DLGAP2: variants seen among roughly 807,000 people sequenced by gnomAD.
DLGAP2 encodes the protein DLG associated protein 2.
In DLGAP2, 26 loss-of-function variants were observed where a neutral mutation model predicts 100.3. The observed-to-expected ratio is 0.26, with a 90% confidence interval of 0.19 to 0.36. The LOEUF (loss-of-function observed/expected upper bound fraction) is 0.36, where lower values mean the gene tolerates loss of function less well. Ranked by LOEUF, DLGAP2 falls within the 10% of genes least tolerant of loss-of-function variation. DLGAP2 has a pLI of 1.00. For synonymous variants in DLGAP2, 886 were observed against 630.1 expected, an observed-to-expected ratio of 1.41 and a Z score of -6.08; for missense variants, 1,858 against 1,453.2, an observed-to-expected ratio of 1.28 and a Z score of -4.53.
rs1477025172 is a variant in DLGAP2 at position 1,628,052 on chromosome 8, T to C, written c.1590+1165T>C. Among the ~76,000 whole-genome samples the C allele has an allele frequency of 2.5e-3, 264 of 103,664 alleles. 2 individuals carry two copies. Among genetic ancestry groups the C allele is most frequent in the Middle Eastern group, 0.013 (2 of 160 alleles). 68.0% of individuals were successfully genotyped at this position (103,664 alleles called of 152,430 possible). ...TTACTGTGGAGCAGGGATTAAGAGCTTGAGCCAACCTCACATTCTCTCTGA... is the reference window on the plus strand; with the variant it reads ...TTACTGTGGAGCAGGGATTAAGAGCCTGAGCCAACCTCACATTCTCTCTGA... On this transcript the variant is annotated intron_variant, in intron 7 of 14. Transcript: ENST00000637795.
At chr8:848,926 TGCCTGTTCCAGCATAGGAAC>T (rs1797125074) in intron 1 of DLGAP2, among the ~76,000 whole-genome samples, 2 of 148,728 alleles carry the variant, frequency 1.3e-5, no homozygotes, top group Non-Finnish European at 3.0e-5. Context: ...GAACGCGCGG[TGCCTGTTCCAGCATAGGAAC>T]GCGCGGTGCC....
intron 1 of DLGAP2, among the ~76,000 whole-genome samples, chr8:793,859 C>T (rs961758318): frequency 2.0e-5 from 3 of 152,238 alleles, no homozygotes; most frequent in Non-Finnish European, 4.4e-5. Flanking sequence ...TGTGGCCATG[C>T]TGGTTTAACC....
intron 3 of DLGAP2, among the ~76,000 whole-genome samples, chr8:1,481,156 A>G (rs1318349270): frequency 6.6e-6 from 1 of 152,134 alleles, no homozygotes; most frequent in African/African-American, 2.4e-5. Context: ...TTGGTGACAG[A>G]GCGAGACCCC....
chr8:770,412 C>G (rs1477734532), intron 1 of DLGAP2, among the ~76,000 whole-genome samples: 2 of 152,172 alleles, frequency 1.3e-5, no homozygotes, highest in Non-Finnish European at 2.9e-5. Context: ...TGACTTAAGA[C>G]TTTCTGACTG....
intron 3 of DLGAP2, among the ~76,000 whole-genome samples, chr8:1,416,043 C>G (rs1053679002): frequency 6.6e-6 from 1 of 152,156 alleles, no homozygotes; most frequent in Non-Finnish European, 1.5e-5. Flanking sequence ...GTGGAAAATG[C>G]AAAATTATTT....
intron 2 of DLGAP2, among the ~76,000 whole-genome samples, chr8:1,083,163 C>T (rs748416064): frequency 7.2e-5 from 11 of 152,212 alleles, no homozygotes; most frequent in African/African-American, 2.4e-4. Context: ...AGAGGAATAT[C>T]GTAAATTTTG....
intron 3 of DLGAP2, among the ~76,000 whole-genome samples, chr8:1,318,842 T>C (rs1800829372): frequency 7.8e-6 from 1 of 127,754 alleles, no homozygotes; most frequent in Admixed American, 9.6e-5. Context: ...GCTGCCGGAA[T>C]GGTCTTCCTA....
At chr8:980,780 G>A (rs1800309503) in intron 2 of DLGAP2, among the ~76,000 whole-genome samples, 1 of 152,158 alleles carries the variant, frequency 6.6e-6, no homozygotes. Context: ...GGCTCGACAG[G>A]TGGCAGCTGA....
intron 2 of DLGAP2, among the ~76,000 whole-genome samples, chr8:1,132,391 C>T (rs1410467482): frequency 6.6e-6 from 1 of 152,180 alleles, no homozygotes; most frequent in Non-Finnish European, 1.5e-5. Context: ...GTACAAATTT[C>T]TGTAATATTA....
chr8:1,304,440 C>G (rs1800441980), intron 3 of DLGAP2, among the ~76,000 whole-genome samples: 1 of 152,190 alleles, frequency 6.6e-6, no homozygotes, highest in Non-Finnish European at 1.5e-5. Context: ...TAAAAAATGA[C>G]AACCCACATG....
chr8:1,053,558 C>T (rs1374369730), intron 2 of DLGAP2, among the ~76,000 whole-genome samples: 3 of 151,990 alleles, frequency 2.0e-5, no homozygotes, highest in Admixed American at 6.6e-5. Flanking sequence ...GAGACAGACG[C>T]GTGAGTGATG....
chr8:1,266,067 C>A (rs1319718289), intron 3 of DLGAP2, among the ~76,000 whole-genome samples: 1 of 152,184 alleles, frequency 6.6e-6, no homozygotes, highest in Non-Finnish European at 1.5e-5. Flanking sequence ...ACAGGGGACA[C>A]CCTTGTCTGA....
chr8:785,221 C>CAAAAAAAAAAAAAAAA (rs55781731), intron 1 of DLGAP2, among the ~76,000 whole-genome samples: 1 of 60,820 alleles, frequency 1.6e-5, no homozygotes, highest in East Asian at 6.0e-4. Flanking sequence ...GACTCCGCCT[C>CAAAAAAAAAAAAAAAA]AAAAAAAAAA....
intron 3 of DLGAP2, among the ~76,000 whole-genome samples, chr8:1,377,623 C>A (rs987646694): frequency 1.3e-5 from 2 of 152,194 alleles, no homozygotes; most frequent in Non-Finnish European, 1.5e-5. Context: ...AGAGGACATA[C>A]CCCAGCCTGT....
At chr8:1,493,858 G>T (rs1799465287) in intron 3 of DLGAP2, among the ~76,000 whole-genome samples, 1 of 152,212 alleles carries the variant, frequency 6.6e-6, no homozygotes, top group African/African-American at 2.4e-5. Context: ...TTCCTAGGCA[G>T]TGCTGACAGC....
intron 1 of DLGAP2, among the ~76,000 whole-genome samples, chr8:876,887 C>G (rs985756043): frequency 2.7e-5 from 4 of 148,824 alleles, no homozygotes; most frequent in Non-Finnish European, 4.4e-5. Context: ...TTGCTTATTC[C>G]TTTTCCTGAT....
intron 2 of DLGAP2, among the ~76,000 whole-genome samples, chr8:1,161,894 G>A (rs1485036521): frequency 1.3e-5 from 2 of 152,254 alleles, no homozygotes; most frequent in Non-Finnish European, 2.9e-5. Flanking sequence ...CGAAGGAGAC[G>A]TGGTTCCCAC....
chr8:1,433,388 C>T (rs569977032), intron 3 of DLGAP2, among the ~76,000 whole-genome samples: 1 of 152,302 alleles, frequency 6.6e-6, no homozygotes, highest in African/African-American at 2.4e-5. Flanking sequence ...GTTGGTCCTG[C>T]CAGGCACCCG....
intron 1 of DLGAP2, among the ~76,000 whole-genome samples, chr8:754,702 G>C (rs1820879647): frequency 6.6e-6 from 1 of 152,104 alleles, no homozygotes; most frequent in Admixed American, 6.5e-5. Flanking sequence ...AATTAGCCAG[G>C]CATGGTGGTG....
Sources: gnomAD v4.1 joint callset for allele counts (sites outside exome capture counted in the v4.1 genomes callset) on GRCh38, gnomAD v4.1.1 for gene constraint, MANE v1.5 for transcripts, NCBI Gene and HGNC (gene_info 2026-07-23, HGNC 2026-07-21) for gene names.